Variants in FAM83B observed in about 807,000 individuals in gnomAD.
The protein encoded by FAM83B is protein FAM83B.
Under a neutral mutation model 38.8 loss-of-function variants are expected in FAM83B, and 26 were observed. The observed-to-expected ratio is 0.67, with a 90% CI of 0.49 to 0.93. The LOEUF is 0.93. FAM83B is among the 40% of genes least tolerant of loss of function. FAM83B has a pLI of 0.00. For missense variants in FAM83B, 1,237 were observed against 1,197.3 expected, an observed-to-expected ratio of 1.03 and a Z score of -0.49; for synonymous variants, 419 against 423.1, an observed-to-expected ratio of 0.99 and a Z score of 0.12.
intron 1 of FAM83B, among the ~76,000 whole-genome samples, chr6:54,869,439 C>A (rs560755805): frequency 7.9e-5 from 12 of 152,220 alleles, no homozygotes; most frequent in African/African-American, 2.2e-4. Context: ...ATCTCTTACT[C>A]CTGTTAAAAG....
chr6:54,934,434 T>A (rs896857095), intron 4 of FAM83B, among the ~76,000 whole-genome samples: 37 of 152,104 alleles, frequency 2.4e-4, no homozygotes, highest in African/African-American at 8.9e-4. Context: ...TACAGGAGAA[T>A]CCCCGACTAT....
At chr6:54,875,706 G>A (rs9475053) in intron 2 of FAM83B, among the ~76,000 whole-genome samples, 3,292 of 130,990 alleles carry the variant, frequency 0.025, 137 homozygotes, top group African/African-American at 0.083. Context: ...AGAAAAGAAG[G>A]TGGGGAAGAA....
intron 2 of FAM83B, among the ~76,000 whole-genome samples, chr6:54,890,801 T>G (rs1408601646): frequency 6.6e-6 from 1 of 152,086 alleles, no homozygotes; most frequent in Non-Finnish European, 1.5e-5. Context: ...TGCATTAATG[T>G]TTTAAACTCA....
At chr6:54,926,339 C>T (rs1223518035) in intron 2 of FAM83B, 32 bp from the exon 3 acceptor site, 1 of 1,416,294 alleles carries the variant, frequency 7.1e-7, no homozygotes, top group Admixed American at 2.1e-5. Flanking sequence ...TATCAAGGAT[C>T]TAAAATTGTT....
At chr6:54,876,612 C>T (rs575148070) in intron 2 of FAM83B, among the ~76,000 whole-genome samples, 1 of 151,982 alleles carries the variant, frequency 6.6e-6, no homozygotes, top group South Asian at 2.1e-4. Flanking sequence ...AGCCACCGCA[C>T]CCTGCTGGAG....
At chr6:54,883,048 CT>C (rs1361026179) in intron 2 of FAM83B, among the ~76,000 whole-genome samples, 1 of 152,088 alleles carries the variant, frequency 6.6e-6, no homozygotes, top group African/African-American at 2.4e-5. Context: ...GGAGCTTCTC[CT>C]GCCTCAGCCT....
Position 54,940,901 on chromosome 6 carries a change from G to T in FAM83B, c.1930G>T (p.Val644Leu), listed in dbSNP as rs1198425710. ...SNNYIYKTLGVNKQTENLKNQ... is the reference protein window; with the variant it reads ...SNNYIYKTLGLNKQTENLKNQ... The stretch of plus-strand genomic sequence containing the variant: ...TAACTATATATATAAAACCTTGGGT[G>T]TAAATAAGCAGACAGAAAATCTAAA... Residue 644 changes from valine (V) to leucine (L), a missense_variant, in exon 5 of 5, where the codon GTA becomes TTA. Val to Leu is a conservative substitution (Grantham distance 32). Coordinates refer to ENST00000306858, the MANE Select transcript of FAM83B (RefSeq NM_001010872.3). 1 of 1,613,504 alleles carries T rather than the reference G, an allele frequency of 6.2e-7. No individual in the cohort carries two copies. The highest frequency in any genetic ancestry group is 8.5e-7 in the Non-Finnish European group (1 of 1,179,882).
intron 2 of FAM83B, among the ~76,000 whole-genome samples, chr6:54,924,885 T>G (rs1581924751): frequency 6.6e-6 from 1 of 152,120 alleles, no homozygotes; most frequent in South Asian, 2.1e-4. Context: ...CTACCTTTTT[T>G]AAAGCCTATT....
At chr6:54,919,178 C>G (rs1236158445) in intron 2 of FAM83B, among the ~76,000 whole-genome samples, 1 of 152,126 alleles carries the variant, frequency 6.6e-6, no homozygotes, top group African/African-American at 2.4e-5. Context: ...TAGGCCTACT[C>G]CTCATTCTTT....
chr6:54,899,405 A>G (rs1772607637), intron 2 of FAM83B, among the ~76,000 whole-genome samples: 1 of 152,158 alleles, frequency 6.6e-6, no homozygotes, highest in South Asian at 2.1e-4. Flanking sequence ...CACAATACAC[A>G]TTTTATCTTT....
At chr6:54,890,569 G>T (rs1014477860) in intron 2 of FAM83B, among the ~76,000 whole-genome samples, 3 of 151,962 alleles carry the variant, frequency 2.0e-5, no homozygotes, top group Admixed American at 2.0e-4. Flanking sequence ...AATAGTACAG[G>T]AAATGTGACC....
intron 2 of FAM83B, among the ~76,000 whole-genome samples, chr6:54,914,929 C>A (rs1248027322): frequency 1.3e-5 from 2 of 152,116 alleles, no homozygotes; most frequent in East Asian, 3.8e-4. Flanking sequence ...TTTTCATTTT[C>A]TTCTTCCCTA....
intron 2 of FAM83B, among the ~76,000 whole-genome samples, chr6:54,874,507 C>T (rs1771943628): frequency 6.6e-6 from 1 of 152,070 alleles, no homozygotes; most frequent in Admixed American, 6.6e-5. Context: ...AATTATTTGT[C>T]TGTCAAGAAG....
At position 54,942,129 on chromosome 6, in the gene FAM83B, C is replaced by T; in HGVS notation, c.*122C>T. ...ATTATGGGTATGATGTATATGTTCA[C>T]CAGTGTCCTAGTATAAAGTTATTTT... On this transcript the variant is annotated 3_prime_UTR_variant, in exon 5 of 5. Transcript: ENST00000306858. The T allele has an allele frequency of 3.3e-5, 32 of 972,898 alleles. No homozygotes were observed. The highest frequency in any genetic ancestry group is 4.8e-5 in the Non-Finnish European group (32 of 668,958). The allele number at this position is 972,898 out of a possible 1,614,324, so 60.3% of individuals were successfully genotyped here. A position where few individuals can be genotyped will look rare whatever the true frequency, so the allele number is the denominator to read the frequency against.
Position 54,935,690 on chromosome 6 carries a change from C to T in FAM83B, c.735-4016C>T, listed in dbSNP as rs534571725. On this transcript the variant is annotated intron_variant, in intron 4 of 4. Transcript: ENST00000306858. ...CCCAATTTGTTTTATGCAAAGATCA[C>T]TTCTGCTGTTCTGTTGATTGAAAAA... Among the ~76,000 whole-genome samples the T allele has an allele frequency of 4.2e-4, 64 of 152,216 alleles. No homozygotes were observed. In the South Asian group the frequency reaches 0.013, roughly 32 times the overall value.
chr6:54,915,321 G>A (rs1225651133), intron 2 of FAM83B, among the ~76,000 whole-genome samples: 1 of 152,044 alleles, frequency 6.6e-6, no homozygotes, highest in Non-Finnish European at 1.5e-5. Flanking sequence ...ATGTAATTTA[G>A]GTCTCTACAC....
intron 1 of FAM83B, among the ~76,000 whole-genome samples, chr6:54,869,250 C>G (rs905802038): frequency 2.0e-4 from 31 of 152,110 alleles, no homozygotes; most frequent in Admixed American, 2.0e-3. Flanking sequence ...TTCCTTAAAC[C>G]ATCTCTGGAA....
intron 1 of FAM83B, among the ~76,000 whole-genome samples, chr6:54,851,857 C>T (rs942187942): frequency 5.9e-5 from 9 of 151,698 alleles, no homozygotes; most frequent in African/African-American, 1.9e-4. Context: ...CCGTTTTAGC[C>T]GGGATGGTCT....
chr6:54,883,822 A>G (rs1363376065), intron 2 of FAM83B, among the ~76,000 whole-genome samples: 2 of 151,302 alleles, frequency 1.3e-5, no homozygotes, highest in African/African-American at 4.9e-5. Flanking sequence ...ATCTCAGTGT[A>G]GCCCAATTTT....
Sources: gnomAD v4.1 joint callset for allele counts (sites outside exome capture counted in the v4.1 genomes callset) on GRCh38, gnomAD v4.1.1 for gene constraint, MANE v1.5 for transcripts, NCBI Gene and HGNC (gene_info 2026-07-23, HGNC 2026-07-21) for gene names.